Variants in RNF214 observed in about 807,000 individuals in gnomAD.
RNF214 encodes ring finger protein 214.
RNF214 carries 25 observed loss-of-function variants against 75.9 expected under a neutral mutation model. The observed-to-expected ratio is 0.33, with a 90% CI of 0.24 to 0.46. RNF214 has a LOEUF of 0.46. Ranked by LOEUF, RNF214 falls within the 20% of genes least tolerant of loss-of-function variation. The pLI is 1.00. For synonymous variants in RNF214, 314 were observed against 308.8 expected (o/e 1.02, Z -0.18); for missense variants, 725 against 857.5 (o/e 0.85, Z 1.93).
At position 117,251,345 on chromosome 11, in the gene RNF214, CA is replaced by C. The variant is rs2033380653; in HGVS notation, c.959+4398del. On this transcript the variant is annotated intron_variant, in intron 6 of 14. Transcript: ENST00000300650. The stretch of plus-strand genomic sequence containing the variant: ...GGGGCGGCCGGGCAGAGGCGCCCCT[CA>C]CCTCCCGGACGGGGCGGCTGGCCGG... Among the ~76,000 whole-genome samples the C allele has an allele frequency of 4.2e-5, 5 of 118,614 alleles. 1 individual carries two copies. Among genetic ancestry groups the C allele is most frequent in the Admixed American group, 8.4e-5 (1 of 11,838 alleles). 77.8% of individuals were successfully genotyped at this position (118,614 alleles called of 152,430 possible).
In RNF214 at chr11:117,280,179, A is replaced by T. The variant is rs375131127; in HGVS notation, c.1065A>T (p.Ser355=). The change falls in exon 8 of 15, where the codon TCA becomes TCT. Residue 355 remains serine (S), a synonymous_variant. Transcript: ENST00000300650. ...GTGTGTGGCTTCCTTAGATCTTATC[A>T]CTAGAGAGCCGGAAAGAGTTACTGG... ...TERAWKAEIL[S]LESRKELLVL... 6.2e-7 allele frequency: 1 copy of T among 1,612,934 alleles called. No individual in the cohort carries two copies. Among genetic ancestry groups the T allele is most frequent in the Non-Finnish European group, 8.5e-7 (1 of 1,178,968 alleles).
chr11:117,259,008 G>A lies in RNF214; in HGVS notation c.959+12060G>A, dbSNP rs539141321. ...GTTTCACTCTGTCGTCCAAGCTGGA[G>A]TGCAGTGACATGATCTTGGTTCACT... On this transcript the variant is annotated intron_variant, in intron 6 of 14. Coordinates refer to ENST00000300650, the MANE Select transcript of RNF214 (RefSeq NM_207343.4). 5.5e-4 allele frequency among the ~76,000 whole-genome samples: 83 copies of A among 152,214 alleles called. No individual in the cohort carries two copies. In the Middle Eastern group the frequency reaches 0.01, roughly 19 times the overall value.
At chr11:117,255,741 T>G (rs1452588056) in intron 6 of RNF214, among the ~76,000 whole-genome samples, 1 of 152,166 alleles carries the variant, frequency 6.6e-6, no homozygotes, top group African/African-American at 2.4e-5. Flanking sequence ...TTAATTATTC[T>G]TTCTCTCTGT....
chr11:117,283,392 G>A (rs149760302), intron 14 of RNF214, among the ~76,000 whole-genome samples, 182 bp downstream of exon 14: 78 of 151,122 alleles, frequency 5.2e-4, no homozygotes, highest in African/African-American at 1.5e-3. Context: ...ACAGAGTCTC[G>A]CTCTGTTGCC....
At chr11:117,266,773 G>A (rs1029291341) in intron 6 of RNF214, among the ~76,000 whole-genome samples, 3 of 151,712 alleles carry the variant, frequency 2.0e-5, no homozygotes, top group African/African-American at 7.3e-5. Context: ...TTGTCCGACA[G>A]CTCACTGAGG....
At chr11:117,267,107 T>C (rs937368451) in intron 6 of RNF214, among the ~76,000 whole-genome samples, 2 of 152,142 alleles carry the variant, frequency 1.3e-5, no homozygotes, top group South Asian at 2.1e-4. Context: ...CTCCAGAGTA[T>C]TGAATTATAG....
intron 5 of RNF214, among the ~76,000 whole-genome samples, chr11:117,245,851 T>C (rs1176079470): frequency 6.6e-6 from 1 of 152,198 alleles, no homozygotes; most frequent in Non-Finnish European, 1.5e-5. Flanking sequence ...ATACATGTCT[T>C]TGTGTGAGCA....
intron 6 of RNF214, among the ~76,000 whole-genome samples, chr11:117,258,776 C>G (rs530004671): frequency 6.6e-6 from 1 of 152,104 alleles, no homozygotes; most frequent in African/African-American, 2.4e-5. Context: ...TCCCTGCCCC[C>G]ACTCTCCCCA....
At chr11:117,279,859 C>A in intron 6 of RNF214, 49 bp from the exon 7 acceptor site, 1 of 1,460,090 alleles carries the variant, frequency 6.8e-7, no homozygotes, top group Non-Finnish European at 9.4e-7. Flanking sequence ...TATCTCTCAA[C>A]AAGCTTATCT....
chr11:117,262,711 G>GTGTGTA (rs2033694949), intron 6 of RNF214, among the ~76,000 whole-genome samples: 1 of 151,188 alleles, frequency 6.6e-6, no homozygotes, highest in South Asian at 2.1e-4. Flanking sequence ...GGAACGTTGT[G>GTGTGTA]TGTGTGTGTG....
intron 6 of RNF214, among the ~76,000 whole-genome samples, chr11:117,276,508 T>C (rs1721109754): frequency 6.6e-6 from 1 of 152,112 alleles, no homozygotes; most frequent in Admixed American, 6.5e-5. Flanking sequence ...ACTCAGGAAT[T>C]TGAGGTGGGA....
At chr11:117,262,708 TGTG>T (rs1307987090) in intron 6 of RNF214, among the ~76,000 whole-genome samples, 90 of 15,584 alleles carry the variant, frequency 5.8e-3, no homozygotes, top group Non-Finnish European at 6.3e-3. Flanking sequence ...TGAGGAACGT[TGTG>T]TGTGTGTGTG....
At chr11:117,235,051 T>C (rs534852507) in intron 2 of RNF214, among the ~76,000 whole-genome samples, 105 of 152,258 alleles carry the variant, frequency 6.9e-4, no homozygotes, top group Non-Finnish European at 1.3e-3. Flanking sequence ...CAATAGGTTA[T>C]TTACAACAAC....
At chr11:117,260,917 G>T (rs112383890) in intron 6 of RNF214, among the ~76,000 whole-genome samples, 1 of 148,926 alleles carries the variant, frequency 6.7e-6, no homozygotes, top group African/African-American at 2.5e-5. Flanking sequence ...GCGTCCCAAA[G>T]TGCTGGGATT....
intron 6 of RNF214, among the ~76,000 whole-genome samples, chr11:117,274,496 G>A (rs2033973987): frequency 6.8e-6 from 1 of 147,072 alleles, no homozygotes; most frequent in Non-Finnish European, 1.5e-5. Flanking sequence ...CTGAGTAGCT[G>A]GGATTACAGG....
In RNF214 at chr11:117,283,118, C is replaced by G. The variant is rs767282551; in HGVS notation, c.1954C>G (p.Pro652Ala). ...TCATGCCGCCTCTGTTCTACAGGCT[C>G]CAGCCACCTGTAAGCTATGTCTAAT... ...VSYPGRSSHA[P>A]ATCKLCLMCQ... The change falls in exon 14 of 15, where the codon CCA becomes GCA. Residue 652 changes from proline to alanine, a missense_variant. Transcript: ENST00000300650. 6.2e-7 allele frequency: 1 copy of G among 1,613,086 alleles called. No homozygotes were observed. Among genetic ancestry groups the G allele is most frequent in the South Asian group, 1.1e-5 (1 of 91,034 alleles).
At chr11:117,273,833 T>A (rs2033958029) in intron 6 of RNF214, among the ~76,000 whole-genome samples, 1 of 152,206 alleles carries the variant, frequency 6.6e-6, no homozygotes, top group East Asian at 1.9e-4. Context: ...GTGAGTCAGC[T>A]CCTCTGGGAT....
At chr11:117,255,645 A>C (rs1356795622) in intron 6 of RNF214, among the ~76,000 whole-genome samples, 1 of 151,264 alleles carries the variant, frequency 6.6e-6, no homozygotes, top group East Asian at 1.9e-4. Flanking sequence ...GAGCCACTAC[A>C]CCCAGCCTCT....
chr11:117,261,654 T>G lies in RNF214; in HGVS notation c.959+14706T>G, dbSNP rs570566503. Among the ~76,000 whole-genome samples, 7 of 152,290 alleles carry G rather than the reference T, an allele frequency of 4.6e-5. No homozygotes were observed. The East Asian group carries it at 1.4e-3, about 29-fold the overall frequency. ...TTACTTTATTTTATTTAATTAATTT[T>G]TGTGTGAGTGTGACAGAGTCTCCCT... On this transcript the variant is annotated intron_variant, in intron 6 of 14. Transcript: ENST00000300650.
Sources: allele counts gnomAD v4.1 joint callset (sites outside exome capture counted in the v4.1 genomes callset), GRCh38; gene constraint gnomAD v4.1.1; transcripts MANE v1.5; gene names NCBI Gene and HGNC (gene_info 2026-07-23, HGNC 2026-07-21).